The following GAP43 variants were observed in gnomAD, a reference collection of about 807,000 sequenced individuals.
GAP43 encodes growth associated protein 43.
GAP43 carries 6 observed loss-of-function variants against 18.6 expected under a neutral mutation model. The ratio of observed to expected loss-of-function variants is 0.32; its 90% CI spans 0.18 to 0.64. The LOEUF (loss-of-function observed/expected upper bound fraction) is 0.64. Ranked by LOEUF, GAP43 falls within the 30% of genes least tolerant of loss-of-function variation. The pLI is 0.78. For missense variants in GAP43, 292 were observed against 295.5 expected, an observed-to-expected ratio of 0.99 and a Z score of 0.09; for synonymous variants, 115 against 111.4, an observed-to-expected ratio of 1.03 and a Z score of -0.20.
intron 1 of GAP43, among the ~76,000 whole-genome samples, chr3:115,670,338 A>G: frequency 6.6e-6 from 1 of 151,042 alleles, no homozygotes; most frequent in Non-Finnish European, 1.5e-5. Flanking sequence ...ATCATTTTTT[A>G]TGGCTGCATA....
At chr3:115,687,673 C>A (rs1352583164) in intron 2 of GAP43, among the ~76,000 whole-genome samples, 2 of 152,130 alleles carry the variant, frequency 1.3e-5, no homozygotes, top group Non-Finnish European at 2.9e-5. Flanking sequence ...GGATTGGGTT[C>A]CTAGGATTGG....
intron 2 of GAP43, among the ~76,000 whole-genome samples, chr3:115,681,885 T>G (rs1278120908): frequency 6.6e-6 from 1 of 152,154 alleles, no homozygotes; most frequent in Non-Finnish European, 1.5e-5. Flanking sequence ...CAGCTAGCAA[T>G]GTTGAACCAG....
intron 2 of GAP43, among the ~76,000 whole-genome samples, chr3:115,701,852 G>A (rs1440749773): frequency 6.6e-6 from 1 of 152,004 alleles, no homozygotes. Flanking sequence ...TAGTAGTATT[G>A]CTAGATTCAA....
At chr3:115,639,739 G>A (rs555644209) in intron 1 of GAP43, among the ~76,000 whole-genome samples, 2 of 151,956 alleles carry the variant, frequency 1.3e-5, no homozygotes, top group African/African-American at 2.4e-5. Flanking sequence ...AACTACAAAC[G>A]GCCAGAAAAT....
intron 1 of GAP43, among the ~76,000 whole-genome samples, chr3:115,643,114 T>G (rs1269797824): frequency 6.6e-6 from 1 of 152,066 alleles, no homozygotes; most frequent in Non-Finnish European, 1.5e-5. Flanking sequence ...GAATAAAAAT[T>G]TCAGGCTGCC....
At chr3:115,699,968 A>G (rs1355729158) in intron 2 of GAP43, among the ~76,000 whole-genome samples, 5 of 152,160 alleles carry the variant, frequency 3.3e-5, no homozygotes. Context: ...ATTACTAGAC[A>G]GGAAACTATG....
chr3:115,640,009 A>G (rs1242994915), intron 1 of GAP43, among the ~76,000 whole-genome samples: 1 of 152,076 alleles, frequency 6.6e-6, no homozygotes, highest in African/African-American at 2.4e-5. Flanking sequence ...TCTAGATGGG[A>G]AACTTAAACA....
intron 2 of GAP43, among the ~76,000 whole-genome samples, chr3:115,719,557 A>T (rs1709551896): frequency 6.6e-6 from 1 of 152,234 alleles, no homozygotes; most frequent in African/African-American, 2.4e-5. Context: ...TCCCTAATAG[A>T]TGACATCTTC....
chr3:115,712,233 G>C lies in GAP43; in HGVS notation c.629-8561G>C, dbSNP rs564415195. 2.0e-5 allele frequency among the ~76,000 whole-genome samples: 3 copies of C among 152,220 alleles called. No individual in the cohort carries two copies. In the South Asian group the frequency reaches 6.2e-4, roughly 32 times the overall value. On this transcript the variant is annotated intron_variant, in intron 2 of 2. Coordinates refer to ENST00000305124, the MANE Select transcript of GAP43 (RefSeq NM_002045.4). ...TATATTCTGTCCTAGTTTTATAAGA[G>C]TAGCTGTCTTTAATTAATAGTCACT...
chr3:115,626,134 A>G (rs1708184573), intron 1 of GAP43, among the ~76,000 whole-genome samples: 1 of 152,220 alleles, frequency 6.6e-6, no homozygotes, highest in Non-Finnish European at 1.5e-5. Context: ...AGTCTCACGC[A>G]GGTTGCCTGC....
chr3:115,663,908 A>G, intron 1 of GAP43: 1 of 1,551,988 alleles, frequency 6.4e-7, no homozygotes, highest in Middle Eastern at 1.7e-4. Flanking sequence ...GACTTTCTGG[A>G]TTTCAAGGGT....
chr3:115,648,957 T>C (rs1708492288), intron 1 of GAP43, among the ~76,000 whole-genome samples: 1 of 151,984 alleles, frequency 6.6e-6, no homozygotes, highest in African/African-American at 2.4e-5. Flanking sequence ...GGTAGTTTAG[T>C]TGAGTAGTGA....
intron 2 of GAP43, among the ~76,000 whole-genome samples, chr3:115,680,372 C>T (rs1333612856): frequency 6.6e-6 from 1 of 152,114 alleles, no homozygotes; most frequent in East Asian, 1.9e-4. Flanking sequence ...AGGAAGATCA[C>T]CTGAGCCCGG....
At chr3:115,683,147 G>GCGCGCGCGCGCA (rs1252333447) in intron 2 of GAP43, among the ~76,000 whole-genome samples, 29 of 127,392 alleles carry the variant, frequency 2.3e-4, no homozygotes, top group African/African-American at 4.2e-4. Flanking sequence ...GCGCGCGCGC[G>GCGCGCGCGCGCA]CACACACACA....
chr3:115,685,285 T>G (rs1553723666), intron 2 of GAP43, among the ~76,000 whole-genome samples: 1 of 152,176 alleles, frequency 6.6e-6, no homozygotes, highest in Non-Finnish European at 1.5e-5. Context: ...AGCAGGTGAT[T>G]AATTTCACTC....
At position 115,623,622 on chromosome 3, in the gene GAP43, G is replaced by C; in HGVS notation, c.-68G>C. The C allele has an allele frequency of 2.5e-6, 4 of 1,581,116 alleles. No individual in the cohort carries two copies. The highest frequency in any genetic ancestry group is 1.7e-5 in the Admixed American group (1 of 59,716). ...CAAGCGAGCAGAAAAGAGGTGGAGA[G>C]GGGGGGAATAAGAAAGAGAGAGAAG... On this transcript the variant is annotated 5_prime_UTR_variant, in exon 1 of 3. Transcript: ENST00000305124.
intron 1 of GAP43, among the ~76,000 whole-genome samples, chr3:115,637,863 A>G (rs901838253): frequency 6.6e-6 from 1 of 151,982 alleles, no homozygotes; most frequent in Admixed American, 6.6e-5. Context: ...GAACCCTTAT[A>G]TCTTCTTTTT....
chr3:115,638,980 A>G (rs757960854), intron 1 of GAP43, among the ~76,000 whole-genome samples: 1 of 152,072 alleles, frequency 6.6e-6, no homozygotes, highest in African/African-American at 2.4e-5. Context: ...GGTAGGAGTT[A>G]TGTCCATGTA....
At chr3:115,720,285 G>A (rs1477641343) in intron 2 of GAP43, among the ~76,000 whole-genome samples, 2 of 152,038 alleles carry the variant, frequency 1.3e-5, no homozygotes, top group Non-Finnish European at 2.9e-5. Flanking sequence ...CCCTCTCTAG[G>A]GACTTCAATT....
Sources: allele counts gnomAD v4.1 joint callset (sites outside exome capture counted in the v4.1 genomes callset), GRCh38; gene constraint gnomAD v4.1.1; transcripts MANE v1.5; gene names NCBI Gene and HGNC (gene_info 2026-07-23, HGNC 2026-07-21).